Variants in ENTPD7 observed in about 807,000 individuals in gnomAD.
ENTPD7 encodes NTPDase 7.
ENTPD7 carries 53 observed loss-of-function variants against 77.9 expected under a neutral mutation model. That is an observed-to-expected ratio of 0.68 (90% CI 0.55 to 0.85). ENTPD7 has a LOEUF of 0.85. ENTPD7 is among the 40% of genes least tolerant of loss of function. The probability of loss-of-function intolerance (pLI) is 0.00; values close to 1 mark genes in which losing one functional copy is unlikely to be tolerated. For synonymous variants in ENTPD7, 248 were observed against 274.9 expected, an observed-to-expected ratio of 0.90 and a Z score of 0.97; for missense variants, 636 against 743.7, an observed-to-expected ratio of 0.86 and a Z score of 1.68.
At chr10:99,681,553 A>C (rs2035754149) in intron 5 of ENTPD7, among the ~76,000 whole-genome samples, 1 of 152,120 alleles carries the variant, frequency 6.6e-6, no homozygotes. Context: ...AAAGTGCTGA[A>C]TTACAGGCGT....
rs1251774205 is a variant in ENTPD7 at position 99,707,903 on chromosome 10, G to A, written c.*3220G>A. ...AATTTCCTTAATCTGGGAAACTTTT[G>A]TTCCCACACCAAGGAACAAATTCAG... On this transcript the variant is annotated 3_prime_UTR_variant, in exon 13 of 13. Transcript: ENST00000370489. Among the ~76,000 whole-genome samples, 1 of 152,010 alleles carries A rather than the reference G, an allele frequency of 6.6e-6. No homozygotes were observed. Among genetic ancestry groups the A allele is most frequent in the African/African-American group, 2.4e-5 (1 of 41,374 alleles).
Position 99,698,635 on chromosome 10 carries a change from T to TA in ENTPD7, c.1113dup (p.His372ThrfsTer38), listed in dbSNP as rs559737644. 3 of 1,614,174 alleles carry TA rather than the reference T, an allele frequency of 1.9e-6. No individual in the cohort carries two copies. Among genetic ancestry groups the TA allele is most frequent in the Non-Finnish European group, 2.5e-6 (3 of 1,180,024 alleles). On this transcript the variant is annotated frameshift_variant, in exon 10 of 13. Transcript: ENST00000370489. LOFTEE classifies it high-confidence loss of function. ...GTGGTGGAGAGGAACAGCCAAGTCT[T>TA]ACATGTCCGAGGAAGAGGAGACTGG...
At position 99,698,607 on chromosome 10, in the gene ENTPD7, G is replaced by T. The variant is rs765633795; in HGVS notation, c.1084G>T (p.Asp362Tyr). 1.9e-6 allele frequency: 3 copies of T among 1,614,232 alleles called. No individual in the cohort carries two copies. Among genetic ancestry groups the T allele is most frequent in the Admixed American group, 3.3e-5 (2 of 60,030 alleles). ...TCCCTGCCTGCCAGTGGGACTCACAGATGTGGTGGAGAGGAACAGCCAAGT... is the reference window on the plus strand; with the variant it reads ...TCCCTGCCTGCCAGTGGGACTCACATATGTGGTGGAGAGGAACAGCCAAGT... ...LDPCLPVGLT[D>Y]VVERNSQVLH... Residue 362 changes from aspartate to tyrosine, a missense_variant, in exon 10 of 13, where the codon GAT becomes TAT. Around this residue, in one of 3 missense-constraint regions of ENTPD7, gnomAD observed 486 missense variants for 556.5 expected, o/e 0.87. Coordinates refer to ENST00000370489, the MANE Select transcript of ENTPD7 (RefSeq NM_020354.5).
chr10:99,679,085 T>C (rs1474223117), intron 3 of ENTPD7, among the ~76,000 whole-genome samples, 176 bp from the exon 4 acceptor site: 1 of 151,984 alleles, frequency 6.6e-6, no homozygotes, highest in Non-Finnish European at 1.5e-5. Context: ...CCAGCTATTG[T>C]CTCAAGCACA....
intron 3 of ENTPD7, among the ~76,000 whole-genome samples, chr10:99,667,461 A>G (rs1449307426): frequency 6.6e-6 from 1 of 152,262 alleles, no homozygotes; most frequent in Admixed American, 6.5e-5. Flanking sequence ...GTTGTATAGA[A>G]TCAGGAGTGA....
chr10:99,690,197 C>G (rs2035862266), intron 7 of ENTPD7, among the ~76,000 whole-genome samples: 1 of 152,160 alleles, frequency 6.6e-6, no homozygotes. Flanking sequence ...ATCTTGTATA[C>G]TTTCTACCCT....
chr10:99,672,296 A>G (rs1244170049), intron 3 of ENTPD7, among the ~76,000 whole-genome samples: 2 of 144,326 alleles, frequency 1.4e-5, no homozygotes, highest in Non-Finnish European at 3.0e-5. Flanking sequence ...ACATTTATTC[A>G]GTTACTTGAT....
intron 3 of ENTPD7, among the ~76,000 whole-genome samples, chr10:99,669,740 G>GGTTTTT (rs1554835535): frequency 1.9e-4 from 11 of 59,256 alleles, no homozygotes; most frequent in African/African-American, 7.3e-4. Flanking sequence ...TAGATGTGTG[G>GGTTTTT]TTTTTTTTTT....
intron 6 of ENTPD7, among the ~76,000 whole-genome samples, chr10:99,687,301 C>G (rs1197736769): frequency 9.6e-6 from 1 of 103,790 alleles, no homozygotes; most frequent in African/African-American, 3.8e-5. Flanking sequence ...GAGTCTCGCT[C>G]TGTCATCCAG....
rs1270585740 is a variant in ENTPD7, at chr10:99,710,174, C to T, written c.*5491C>T. On this transcript the variant is annotated 3_prime_UTR_variant, in exon 13 of 13. Coordinates refer to ENST00000370489, the MANE Select transcript of ENTPD7 (RefSeq NM_020354.5). ...ACTCCAAGGCAGCCCTGGTACTTTCCTAAGTGGCCCCTCCTACAGAGCACT... is the reference window on the plus strand; with the variant it reads ...ACTCCAAGGCAGCCCTGGTACTTTCTTAAGTGGCCCCTCCTACAGAGCACT... 1 of 985,308 alleles carries T rather than the reference C, an allele frequency of 1.0e-6. No homozygotes were observed. Among genetic ancestry groups the T allele is most frequent in the Non-Finnish European group, 1.2e-6 (1 of 829,936 alleles). 61.0% of individuals were successfully genotyped at this position (985,308 alleles called of 1,614,324 possible).
In ENTPD7 at chr10:99,708,453, G is replaced by C. The variant is rs2036294438; in HGVS notation, c.*3770G>C. 6.6e-6 allele frequency among the ~76,000 whole-genome samples: 1 copy of C among 152,118 alleles called. No homozygotes were observed. The highest frequency in any genetic ancestry group is 1.5e-5 in the Non-Finnish European group (1 of 68,016). On this transcript the variant is annotated 3_prime_UTR_variant, in exon 13 of 13. Coordinates refer to ENST00000370489, the MANE Select transcript of ENTPD7 (RefSeq NM_020354.5). ...AATAGCAGACCTGGATTCTAGTTCT[G>C]GCTTTGTCATTTACTAGCTCTGGTA...
At position 99,698,832 on chromosome 10, in the gene ENTPD7, G is replaced by A. The variant is rs2036044843; in HGVS notation, c.1309G>A (p.Gly437Arg). The A allele has an allele frequency of 1.2e-6, 2 of 1,603,726 alleles. No individual in the cohort carries two copies. Among genetic ancestry groups the A allele is most frequent in the South Asian group, 1.1e-5 (1 of 90,228 alleles). ...GTTGCGCATTGGTGGCCGCTACCAT[G>A]GGCCAACATTTGCCAAGGCTGCTCA... ...DVLRIGGRYHGPTFAKAAQDY... is the reference protein window; with the variant it reads ...DVLRIGGRYHRPTFAKAAQDY... The change falls in exon 10 of 13, where the codon GGG (glycine) becomes AGG (arginine). Residue 437 changes from glycine to arginine, a missense_variant. Physicochemically the swap from Gly to Arg is moderately radical, Grantham distance 125. Coordinates refer to ENST00000370489, the MANE Select transcript of ENTPD7 (RefSeq NM_020354.5).
chr10:99,689,596 G>A (rs1379620111), intron 7 of ENTPD7, among the ~76,000 whole-genome samples: 1 of 152,150 alleles, frequency 6.6e-6, no homozygotes, highest in East Asian at 1.9e-4. Flanking sequence ...CATAGAAGGC[G>A]CTGTGTGTTT....
rs1045885228 is a variant in ENTPD7, at chr10:99,706,521, T to A, written c.*1838T>A. On this transcript the variant is annotated 3_prime_UTR_variant, in exon 13 of 13. Transcript: ENST00000370489. ...CAGCTAATTTTTTATTTTATTTTTT[T>A]AGAGATGGAGTCTGTGTTGTCCAGG... 6.6e-6 allele frequency among the ~76,000 whole-genome samples: 1 copy of A among 151,364 alleles called. No individual in the cohort carries two copies. The highest frequency in any genetic ancestry group is 6.6e-5 in the Admixed American group (1 of 15,190).
At chr10:99,683,568 T>C (rs1390097770) in intron 5 of ENTPD7, among the ~76,000 whole-genome samples, 4 of 152,228 alleles carry the variant, frequency 2.6e-5, no homozygotes, top group Admixed American at 6.5e-5. Flanking sequence ...TTAACAATTA[T>C]CAACATTTCG....
Position 99,696,107 on chromosome 10 carries a change from C to G in ENTPD7, c.995C>G (p.Thr332Ser). ...TACGAAGACCTTGTTCTGAATGAAA[C>G]TCTTAACAAAAACAGGTACATTTGA... ...QRYEDLVLNE[T>S]LNKNRLLGQK... Residue 332 changes from threonine to serine, a missense_variant, in exon 9 of 13, where the codon ACT becomes AGT. Coordinates refer to ENST00000370489, the MANE Select transcript of ENTPD7 (RefSeq NM_020354.5). 6.2e-7 allele frequency: 1 copy of G among 1,612,724 alleles called. No individual in the cohort carries two copies.
chr10:99,694,054 T>C (rs1284498417), intron 8 of ENTPD7, among the ~76,000 whole-genome samples: 4 of 152,158 alleles, frequency 2.6e-5, no homozygotes, highest in Admixed American at 2.0e-4. Flanking sequence ...GCCTAATATA[T>C]TTTTTTGTAC....
At chr10:99,690,149 TC>T (rs1378254723) in intron 7 of ENTPD7, among the ~76,000 whole-genome samples, 1 of 152,198 alleles carries the variant, frequency 6.6e-6, no homozygotes. Context: ...TCTTTTATAT[TC>T]CCCTTGCTAT....
intron 10 of ENTPD7, 92 bp downstream of exon 10, chr10:99,698,950 A>G (rs2036048120): frequency 2.5e-6 from 3 of 1,190,136 alleles, no homozygotes; most frequent in Non-Finnish European, 2.3e-6. Context: ...AGGGCTTTGC[A>G]TACAGAATCT....
Sources: allele counts gnomAD v4.1 joint callset (sites outside exome capture counted in the v4.1 genomes callset), GRCh38; gene constraint gnomAD v4.1.1; regional missense constraint gnomAD v4.1.1; transcripts MANE v1.5; gene names NCBI Gene and HGNC (gene_info 2026-07-23, HGNC 2026-07-21).